The following PCDHA6 variants were observed in gnomAD, a reference collection of about 807,000 sequenced individuals.
PCDHA6 encodes the protein protocadherin alpha-6.
PCDHA6 carries 55 observed loss-of-function variants against 60.3 expected under a neutral mutation model. That is an observed-to-expected ratio of 0.91 (90% CI 0.73 to 1.14). The LOEUF (loss-of-function observed/expected upper bound fraction) is 1.14, where lower values mean the gene tolerates loss of function less well. Among genes scored for constraint, PCDHA6 ranks in the 50% most tolerant of loss-of-function variants. The probability of loss-of-function intolerance (pLI) is 0.00; values close to 1 mark genes in which losing one functional copy is unlikely to be tolerated. For synonymous variants in PCDHA6, 652 were observed against 557.9 expected, an observed-to-expected ratio of 1.17 and a Z score of -2.38; for missense variants, 1,327 against 1,256.5, an observed-to-expected ratio of 1.06 and a Z score of -0.85.
Position 141,010,040 on chromosome 5 carries a change from C to G in PCDHA6, c.*103C>G. On this transcript the variant is annotated 3_prime_UTR_variant, in exon 4 of 4. Transcript: ENST00000529310. Reference sequence around the variant, plus strand: ...CCTTTTTCCTATCTACATGAGCCCTCTTAGAGACCTCAGAAATCTGCAGAA... The same window carrying G: ...CCTTTTTCCTATCTACATGAGCCCTGTTAGAGACCTCAGAAATCTGCAGAA... 5.6e-6 allele frequency: 9 copies of G among 1,593,642 alleles called. No individual in the cohort carries two copies. The highest frequency in any genetic ancestry group is 7.7e-6 in the Non-Finnish European group (9 of 1,170,750).
rs781892888 is a variant in PCDHA6, at chr5:140,967,565, C to T, written c.2395-11384C>T. Reference sequence around the variant, plus strand: ...CCAGTCCACTTATCGCGTCCAGCTACGGGAGGACTCACCCCCAGGCACATT... The same window carrying T: ...CCAGTCCACTTATCGCGTCCAGCTATGGGAGGACTCACCCCCAGGCACATT... On this transcript the variant is annotated intron_variant, in intron 1 of 3. Transcript: ENST00000529310. The T allele has an allele frequency of 3.1e-6, 5 of 1,614,080 alleles. No individual in the cohort carries two copies. The highest frequency in any genetic ancestry group is 2.7e-5 in the African/African-American group (2 of 75,044).
intron 1 of PCDHA6, among the ~76,000 whole-genome samples, chr5:140,952,639 G>C (rs2094775564): frequency 6.6e-6 from 1 of 152,102 alleles, no homozygotes; most frequent in Non-Finnish European, 1.5e-5. Flanking sequence ...ATTCCAACCT[G>C]TGCCTGGTTA....
chr5:140,969,587 T>G, intron 1 of PCDHA6: 1 of 850,882 alleles, frequency 1.2e-6, no homozygotes, highest in Non-Finnish European at 1.8e-6. Context: ...AGGATTAGTC[T>G]TAATATTTAA....
chr5:141,001,867 A>C (rs2153971805), intron 3 of PCDHA6, among the ~76,000 whole-genome samples: 1 of 152,348 alleles, frequency 6.6e-6, no homozygotes, highest in Admixed American at 6.5e-5. Context: ...ATTGATGCCC[A>C]AAACCAAGAA....
chr5:140,893,050 A>T (rs967159859), intron 1 of PCDHA6, among the ~76,000 whole-genome samples: 1 of 152,248 alleles, frequency 6.6e-6, no homozygotes, highest in Non-Finnish European at 1.5e-5. Context: ...CTCCAGGCTC[A>T]GCCATACTGC....
intron 1 of PCDHA6, among the ~76,000 whole-genome samples, chr5:140,957,864 A>G (rs1554223166): frequency 6.6e-6 from 1 of 151,762 alleles, no homozygotes; most frequent in Admixed American, 6.6e-5. Flanking sequence ...TTTTTTTCCT[A>G]TTTTGTGCTG....
At chr5:140,937,770 G>C (rs1353635012) in intron 1 of PCDHA6, among the ~76,000 whole-genome samples, 3 of 151,876 alleles carry the variant, frequency 2.0e-5, no homozygotes, top group Non-Finnish European at 4.4e-5. Flanking sequence ...AAATTAGTCG[G>C]GCGTGGTGGC....
intron 1 of PCDHA6, chr5:140,968,608 T>C: frequency 6.2e-7 from 1 of 1,614,242 alleles, no homozygotes; most frequent in South Asian, 1.1e-5. Context: ...ACTCAGACTC[T>C]GGGCAAAATG....
intron 1 of PCDHA6, among the ~76,000 whole-genome samples, chr5:140,944,993 G>A (rs529303280): frequency 6.6e-5 from 10 of 152,054 alleles, no homozygotes; most frequent in African/African-American, 2.2e-4. Context: ...CTTCTGTAAC[G>A]GTTGTGGGTC....
At chr5:140,883,888 T>C (rs781919107) in intron 1 of PCDHA6, 12 of 1,612,946 alleles carry the variant, frequency 7.4e-6, no homozygotes, top group African/African-American at 5.4e-5. Flanking sequence ...CGCGCGACTC[T>C]GGCGTGCCGC....
intron 3 of PCDHA6, among the ~76,000 whole-genome samples, chr5:140,989,227 C>T (rs933142074): frequency 2.6e-5 from 4 of 152,162 alleles, no homozygotes; most frequent in African/African-American, 9.7e-5. Flanking sequence ...TTCTTTGTAG[C>T]TGAAGTTTTA....
At chr5:140,920,609 G>C (rs1319890021) in intron 1 of PCDHA6, among the ~76,000 whole-genome samples, 1 of 152,160 alleles carries the variant, frequency 6.6e-6, no homozygotes. Flanking sequence ...ACTTTGGGAG[G>C]CCGAGGCGGA....
intron 1 of PCDHA6, among the ~76,000 whole-genome samples, chr5:140,973,877 A>G (rs782563295): frequency 6.6e-6 from 1 of 152,234 alleles, no homozygotes; most frequent in Non-Finnish European, 1.5e-5. Context: ...AGGTCAGAAT[A>G]ATGTCAATTT....
chr5:140,841,126 C>T, intron 1 of PCDHA6: 1 of 659,096 alleles, frequency 1.5e-6, no homozygotes, highest in South Asian at 2.2e-5. Flanking sequence ...TAATCATTAC[C>T]TTTTGAAGCC....
At chr5:140,877,526 G>T (rs1554169807) in intron 1 of PCDHA6, 2 of 1,613,676 alleles carry the variant, frequency 1.2e-6, no homozygotes, top group African/African-American at 2.7e-5. Context: ...GCCTCAGTGG[G>T]CGCTGTGGAT....
intron 1 of PCDHA6, among the ~76,000 whole-genome samples, chr5:140,965,210 T>C (rs1554227481): frequency 6.6e-6 from 1 of 152,214 alleles, no homozygotes; most frequent in Non-Finnish European, 1.5e-5. Context: ...TTCAAATTCC[T>C]GTGGAAGAAA....
In PCDHA6 at chr5:140,828,377, T is replaced by C; in HGVS notation, c.286T>C (p.Cys96Arg). 1 of 1,614,222 alleles carries C rather than the reference T, an allele frequency of 6.2e-7. No individual in the cohort carries two copies. The highest frequency in any genetic ancestry group is 8.5e-7 in the Non-Finnish European group (1 of 1,180,046). ...TTCTCGGATCGACCGCGAGGAGCTG[T>C]GCGGGCGGAGCGCGGAGTGCAGCAT... is the stretch of plus-strand genomic sequence containing the variant. ...VNSRIDREEL[C>R]GRSAECSIHL... The change falls in exon 1 of 4, where the codon TGC (cysteine) becomes CGC (arginine). Residue 96 changes from cysteine to arginine, a missense_variant. Transcript: ENST00000529310.
At chr5:140,869,899 G>T in intron 1 of PCDHA6, 1 of 1,610,464 alleles carries the variant, frequency 6.2e-7, no homozygotes, top group South Asian at 1.1e-5. Flanking sequence ...CAAACTAAAC[G>T]CCACAGACCG....
intron 1 of PCDHA6, among the ~76,000 whole-genome samples, chr5:140,891,677 TTCTC>T (rs1335607297): frequency 2.6e-5 from 4 of 152,240 alleles, no homozygotes; most frequent in African/African-American, 9.6e-5. Context: ...AGTTTAATAA[TTCTC>T]TCTTCTTGCT....
Sources: allele counts gnomAD v4.1 joint callset (sites outside exome capture counted in the v4.1 genomes callset), GRCh38; gene constraint gnomAD v4.1.1; transcripts MANE v1.5; gene names NCBI Gene and HGNC (gene_info 2026-07-23, HGNC 2026-07-21).